BMPR1B: variants seen among roughly 807,000 people sequenced by gnomAD.
BMPR1B encodes bone morphogenetic protein receptor type-1B.
A neutral mutation model predicts 59.1 loss-of-function variants in BMPR1B; 12 were observed. That is an observed-to-expected ratio of 0.20 (90% confidence interval 0.13 to 0.33). BMPR1B has a LOEUF of 0.33. Ranked by LOEUF, BMPR1B falls within the 10% of genes least tolerant of loss-of-function variation. BMPR1B has a pLI of 1.00. For synonymous variants in BMPR1B, 237 were observed against 207.3 expected, an observed-to-expected ratio of 1.14 and a Z score of -1.23; for missense variants, 550 against 610.9, an observed-to-expected ratio of 0.90 and a Z score of 1.05.
chr4:94,805,229 G>A (rs1723562358), intron 1 of BMPR1B, among the ~76,000 whole-genome samples: 1 of 152,144 alleles, frequency 6.6e-6, no homozygotes, highest in Admixed American at 6.5e-5. Context: ...CATGTAGTGA[G>A]CGCTAGAATA....
In BMPR1B at chr4:94,845,656, T is replaced by G. The variant is rs114395946; in HGVS notation, c.-182-30175T>G. Among the ~76,000 whole-genome samples, 1,010 of 152,342 alleles carry G rather than the reference T, an allele frequency of 6.6e-3. 10 individuals are homozygous for G. Among genetic ancestry groups the G allele is most frequent in the African/African-American group, 0.023 (942 of 41,584 alleles). On this transcript the variant is annotated intron_variant, in intron 1 of 12. Transcript: ENST00000515059. ...CGTGCCTGGCCAACCAAGGAAATTC[T>G]TAATTTAAGAATGGTCACTTTCAAA...
In BMPR1B at chr4:94,973,009, G is replaced by A. The variant is rs73836072; in HGVS notation, c.-112-23031G>A. ...AAACTCCATTTACTTGGCTCACCATGCTCAGCCCCTTGTGGGAGGGAGCAG... is the reference window on the plus strand; with the variant it reads ...AAACTCCATTTACTTGGCTCACCATACTCAGCCCCTTGTGGGAGGGAGCAG... On this transcript the variant is annotated intron_variant, in intron 2 of 12. Coordinates refer to ENST00000515059, the MANE Select transcript of BMPR1B (RefSeq NM_001203.3). Among the ~76,000 whole-genome samples, 526 of 152,142 alleles carry A rather than the reference G, an allele frequency of 3.5e-3. 5 individuals are homozygous for A. Among genetic ancestry groups the A allele is most frequent in the African/African-American group, 0.012 (496 of 41,518 alleles).
intron 1 of BMPR1B, among the ~76,000 whole-genome samples, chr4:94,835,755 A>C (rs556202484): frequency 2.0e-5 from 3 of 152,142 alleles, no homozygotes; most frequent in Non-Finnish European, 4.4e-5. Context: ...TTATCTAAAT[A>C]AATTTTTTCT....
At chr4:95,130,240 A>C (rs1163849348) in intron 9 of BMPR1B, among the ~76,000 whole-genome samples, 186 bp downstream of exon 9, 1 of 152,170 alleles carries the variant, frequency 6.6e-6, no homozygotes, top group Non-Finnish European at 1.5e-5. Flanking sequence ...TGACTAAGGC[A>C]CTTCTGTGAG....
intron 2 of BMPR1B, among the ~76,000 whole-genome samples, chr4:94,883,131 C>T (rs1027253077): frequency 2.6e-5 from 4 of 152,070 alleles, no homozygotes; most frequent in Admixed American, 6.6e-5. Context: ...CGAAAAGTGA[C>T]TGAGCTCACC....
chr4:94,993,795 G>T (rs1721894419), intron 2 of BMPR1B, among the ~76,000 whole-genome samples: 1 of 149,918 alleles, frequency 6.7e-6, no homozygotes, highest in African/African-American at 2.4e-5. Flanking sequence ...GTATGACAGG[G>T]TGAACAACTG....
At chr4:95,009,893 G>A (rs892614144) in intron 3 of BMPR1B, among the ~76,000 whole-genome samples, 3 of 152,172 alleles carry the variant, frequency 2.0e-5, no homozygotes, top group Non-Finnish European at 2.9e-5. Flanking sequence ...CTCTTTCCGT[G>A]TGGAGAATGA....
intron 8 of BMPR1B, among the ~76,000 whole-genome samples, chr4:95,125,325 A>G (rs1490918318): frequency 6.6e-6 from 1 of 152,170 alleles, no homozygotes; most frequent in Non-Finnish European, 1.5e-5. Flanking sequence ...ATGTAGGTGT[A>G]TGGTTACAAT....
intron 2 of BMPR1B, chr4:94,995,669 T>G (rs1722010785): frequency 6.6e-6 from 1 of 152,216 alleles, no homozygotes; most frequent in Non-Finnish European, 1.5e-5. Context: ...TCAGACAAAC[T>G]TAATAATTGC....
At chr4:95,090,881 AATAAAAAG>A (rs530479363) in intron 3 of BMPR1B, among the ~76,000 whole-genome samples, 195 of 152,260 alleles carry the variant, frequency 1.3e-3, no homozygotes, top group African/African-American at 4.3e-3. Flanking sequence ...TGGTAGATTT[AATAAAAAG>A]ATAGAAATAA....
chr4:94,790,164 A>G (rs1343444205), intron 1 of BMPR1B, among the ~76,000 whole-genome samples: 2 of 152,154 alleles, frequency 1.3e-5, no homozygotes, highest in East Asian at 3.8e-4. Context: ...AGTTGTTAAG[A>G]TTTGAGAGAT....
At chr4:95,029,636 G>A (rs1724682705) in intron 3 of BMPR1B, among the ~76,000 whole-genome samples, 1 of 152,090 alleles carries the variant, frequency 6.6e-6, no homozygotes, top group Admixed American at 6.6e-5. Context: ...ACCCAGTAAT[G>A]GGATGGCTGG....
At chr4:94,802,206 G>A (rs1228343412) in intron 1 of BMPR1B, among the ~76,000 whole-genome samples, 3 of 152,144 alleles carry the variant, frequency 2.0e-5, no homozygotes, top group Non-Finnish European at 4.4e-5. Flanking sequence ...CTTTCTCCAG[G>A]TCATGGGTTC....
At chr4:94,778,147 A>G (rs747443437) in intron 1 of BMPR1B, among the ~76,000 whole-genome samples, 1 of 152,210 alleles carries the variant, frequency 6.6e-6, no homozygotes, top group African/African-American at 2.4e-5. Context: ...AGCTTGTGAA[A>G]CAAAGTAATA....
intron 2 of BMPR1B, among the ~76,000 whole-genome samples, chr4:94,894,400 T>C (rs896998024): frequency 5.9e-5 from 9 of 151,456 alleles, no homozygotes; most frequent in Non-Finnish European, 1.0e-4. Flanking sequence ...TTTCCCCACC[T>C]TTTTTCCCTC....
chr4:94,873,502 G>A (rs1726586415), intron 1 of BMPR1B, among the ~76,000 whole-genome samples: 1 of 151,770 alleles, frequency 6.6e-6, no homozygotes, highest in African/African-American at 2.4e-5. Flanking sequence ...TGCCTCCTGG[G>A]TTCAAGCGAT....
intron 3 of BMPR1B, among the ~76,000 whole-genome samples, chr4:95,053,813 A>G (rs1726711572): frequency 2.0e-5 from 3 of 152,204 alleles, no homozygotes; most frequent in Admixed American, 2.0e-4. Flanking sequence ...TGTTTATTTT[A>G]TTTTATTTTT....
intron 10 of BMPR1B, among the ~76,000 whole-genome samples, chr4:95,134,682 G>C (rs936029811): frequency 2.0e-5 from 3 of 152,268 alleles, no homozygotes; most frequent in African/African-American, 4.8e-5. Context: ...AGAAGTGTCT[G>C]TTCATATCCT....
At chr4:94,802,833 C>T (rs1723460342) in intron 1 of BMPR1B, among the ~76,000 whole-genome samples, 1 of 105,538 alleles carries the variant, frequency 9.5e-6, no homozygotes, top group South Asian at 2.5e-4. Flanking sequence ...ATAATCTCTT[C>T]AGGTAATAAT....
Sources: allele counts gnomAD v4.1 joint callset (sites outside exome capture counted in the v4.1 genomes callset), GRCh38; gene constraint gnomAD v4.1.1; transcripts MANE v1.5; gene names NCBI Gene and HGNC (gene_info 2026-07-23, HGNC 2026-07-21).